DAB1: variants seen among roughly 807,000 people sequenced by gnomAD.
DAB1 encodes DAB adaptor protein 1, also known as disabled homolog 1.
DAB1 carries 15 observed loss-of-function variants against 64.6 expected under a neutral mutation model. That is an observed-to-expected ratio of 0.23 (90% CI 0.16 to 0.36). DAB1 has a LOEUF of 0.36. DAB1 is among the 10% of genes least tolerant of loss of function. DAB1 has a pLI of 1.00. For synonymous variants in DAB1, 235 were observed against 251.9 expected (o/e 0.93, Z 0.64); for missense variants, 596 against 706.7 (o/e 0.84, Z 1.78).
chr1:57,611,058 T>C (rs1645719637), intron 7 of DAB1, among the ~76,000 whole-genome samples: 1 of 152,040 alleles, frequency 6.6e-6, no homozygotes, highest in African/African-American at 2.4e-5. Flanking sequence ...TGCTTGCTTT[T>C]GCACTAGAAT....
At chr1:57,144,895 A>C (rs1482376262) in intron 3 of DAB1, among the ~76,000 whole-genome samples, 1 of 152,184 alleles carries the variant, frequency 6.6e-6, no homozygotes, top group Non-Finnish European at 1.5e-5. Flanking sequence ...ATCAACTTTT[A>C]TCTTAACATC....
At chr1:58,361,770 T>C (rs1251603454) in intron 3 of DAB1, among the ~76,000 whole-genome samples, 3 of 151,874 alleles carry the variant, frequency 2.0e-5, no homozygotes, top group Non-Finnish European at 4.4e-5. Context: ...TAGTCTTACC[T>C]GCCTTCTCTG....
intron 3 of DAB1, among the ~76,000 whole-genome samples, chr1:57,137,747 C>G (rs918344006): frequency 3.9e-5 from 6 of 152,130 alleles, no homozygotes; most frequent in African/African-American, 1.4e-4. Flanking sequence ...TTTCATATTT[C>G]CAGGAGACAA....
At chr1:57,465,110 A>C (rs1217601707) in intron 7 of DAB1, among the ~76,000 whole-genome samples, 1 of 152,318 alleles carries the variant, frequency 6.6e-6, no homozygotes, top group African/African-American at 2.4e-5. Flanking sequence ...CCTGTCCTCT[A>C]GTTCATCAAA....
chr1:58,163,715 C>T (rs1012263892), intron 4 of DAB1, among the ~76,000 whole-genome samples: 1 of 152,086 alleles, frequency 6.6e-6, no homozygotes, highest in Non-Finnish European at 1.5e-5. Context: ...TGCCCATGCT[C>T]AAGTGTATTT....
intron 3 of DAB1, among the ~76,000 whole-genome samples, chr1:58,434,856 C>T (rs551719299): frequency 1.3e-5 from 2 of 152,314 alleles, no homozygotes; most frequent in Admixed American, 6.5e-5. Flanking sequence ...CCTAATTTCA[C>T]AGTCTCCACA....
intron 5 of DAB1, among the ~76,000 whole-genome samples, chr1:57,986,878 C>T (rs770849367): frequency 6.6e-6 from 1 of 152,174 alleles, no homozygotes; most frequent in Non-Finnish European, 1.5e-5. Context: ...CTGGGCCCTA[C>T]ATTCGTTGTC....
At chr1:57,065,269 C>A (rs1490421827) in intron 8 of DAB1, among the ~76,000 whole-genome samples, 2 of 152,120 alleles carry the variant, frequency 1.3e-5, no homozygotes, top group Admixed American at 6.5e-5. Context: ...TTCTGGTAAC[C>A]TCTGGTGCAT....
chr1:57,528,379 T>A (rs950396863), intron 7 of DAB1, among the ~76,000 whole-genome samples: 1 of 152,088 alleles, frequency 6.6e-6, no homozygotes, highest in Non-Finnish European at 1.5e-5. Flanking sequence ...GTGACCTGTA[T>A]GACAATATTG....
intron 2 of DAB1, among the ~76,000 whole-genome samples, chr1:58,509,773 A>C (rs1012455546): frequency 7.9e-5 from 12 of 151,928 alleles, no homozygotes; most frequent in Non-Finnish European, 4.4e-5. Context: ...AAAAAGACTT[A>C]AGTGAACAAA....
chr1:57,507,064 C>T (rs1230125636), intron 7 of DAB1, among the ~76,000 whole-genome samples: 2 of 152,206 alleles, frequency 1.3e-5, no homozygotes, highest in African/African-American at 4.8e-5. Context: ...TGAAGTACAG[C>T]TCTAATCATG....
intron 2 of DAB1, among the ~76,000 whole-genome samples, chr1:57,285,429 C>CTATTTTTG: frequency 6.6e-6 from 1 of 152,156 alleles, no homozygotes; most frequent in Non-Finnish European, 1.5e-5. Context: ...CCACCACACC[C>CTATTTTTG]TATTTTTGTA....
chr1:58,315,846 A>C (rs1016116753), intron 4 of DAB1, among the ~76,000 whole-genome samples: 4 of 152,226 alleles, frequency 2.6e-5, no homozygotes, highest in Admixed American at 2.0e-4. Context: ...AGATGCTAAG[A>C]TTCTGACTTT....
chr1:57,673,669 T>C (rs60982032), intron 6 of DAB1, among the ~76,000 whole-genome samples: 3,316 of 152,236 alleles, frequency 0.022, 122 homozygotes, highest in African/African-American at 0.076. Context: ...ACCATGAAAA[T>C]AACTCCCTCA....
chr1:57,056,517 A>G (rs1403480774), intron 9 of DAB1, among the ~76,000 whole-genome samples: 4 of 151,252 alleles, frequency 2.6e-5, no homozygotes, highest in African/African-American at 9.7e-5. Context: ...AAAAAAAAAA[A>G]AAAGAAAAAA....
intron 4 of DAB1, among the ~76,000 whole-genome samples, chr1:58,215,031 C>T (rs998684195): frequency 1.5e-4 from 23 of 152,208 alleles, no homozygotes; most frequent in Non-Finnish European, 5.9e-5. Flanking sequence ...TGCAGAGATG[C>T]TGTCTTCCCC....
chr1:57,309,712 GA>G (rs1674506675), intron 1 of DAB1, among the ~76,000 whole-genome samples: 1 of 151,526 alleles, frequency 6.6e-6, no homozygotes, highest in Non-Finnish European at 1.5e-5. Flanking sequence ...GCTCTACTCA[GA>G]GATGAAAAAA....
intron 6 of DAB1, among the ~76,000 whole-genome samples, chr1:57,799,866 C>T (rs2101870935): frequency 6.6e-6 from 1 of 152,220 alleles, no homozygotes. Context: ...TATGTAGCTG[C>T]TTTTGCTTCA....
chr1:57,177,028 C>T (rs1400848786), intron 2 of DAB1, among the ~76,000 whole-genome samples: 1 of 142,536 alleles, frequency 7.0e-6, no homozygotes, highest in South Asian at 2.2e-4. Context: ...AAAAGCGGGA[C>T]ATAAATTTGT....
Sources: gnomAD v4.1 joint callset for allele counts (sites outside exome capture counted in the v4.1 genomes callset) on GRCh38, gnomAD v4.1.1 for gene constraint, MANE v1.5 for transcripts, NCBI Gene and HGNC (gene_info 2026-07-23, HGNC 2026-07-21) for gene names.